Variants in ZDHHC17 observed in about 807,000 individuals in gnomAD.
ZDHHC17 encodes the protein palmitoyltransferase ZDHHC17.
In ZDHHC17, 40 loss-of-function variants were observed where a neutral mutation model predicts 90.3. That is an observed-to-expected ratio of 0.44 (90% CI 0.34 to 0.58). The LOEUF (loss-of-function observed/expected upper bound fraction) is 0.58, where lower values mean the gene tolerates loss of function less well. Among genes scored for constraint, ZDHHC17 ranks in the 20% least tolerant of loss-of-function variants. ZDHHC17 has a pLI of 0.01. For synonymous variants in ZDHHC17, 235 were observed against 252.4 expected, an observed-to-expected ratio of 0.93 and a Z score of 0.65; for missense variants, 614 against 780.8, an observed-to-expected ratio of 0.79 and a Z score of 2.55.
intron 5 of ZDHHC17, among the ~76,000 whole-genome samples, chr12:76,810,587 ATTTC>A (rs1953007886): frequency 6.6e-6 from 1 of 152,084 alleles, no homozygotes; most frequent in Non-Finnish European, 1.5e-5. Flanking sequence ...TTTGAATACT[ATTTC>A]TTTTAATGAA....
intron 1 of ZDHHC17, among the ~76,000 whole-genome samples, chr12:76,777,462 G>A (rs1952571904): frequency 6.6e-6 from 1 of 152,116 alleles, no homozygotes; most frequent in Non-Finnish European, 1.5e-5. Flanking sequence ...TTGTTTCCAG[G>A]TTTTGGTTAT....
chr12:76,778,522 C>G (rs1989413), intron 1 of ZDHHC17, among the ~76,000 whole-genome samples: 2 of 151,952 alleles, frequency 1.3e-5, no homozygotes, highest in African/African-American at 4.8e-5. Flanking sequence ...TGTGCCCTGC[C>G]GGGAAGTTTT....
intron 8 of ZDHHC17, 36 bp from the exon 9 acceptor site, chr12:76,826,872 A>C (rs377637637): frequency 6.7e-7 from 1 of 1,492,986 alleles, no homozygotes; most frequent in Admixed American, 2.8e-5. Flanking sequence ...TACTTGAAAC[A>C]TGCAAAAACT....
At chr12:76,846,461 C>T in intron 13 of ZDHHC17, 135 bp from the exon 14 acceptor site, 8 of 603,832 alleles carry the variant, frequency 1.3e-5, no homozygotes, top group East Asian at 2.9e-5. Flanking sequence ...TCCTGAAAAC[C>T]ACTTTATAAA....
At chr12:76,838,248 A>G (rs1252746106) in intron 10 of ZDHHC17, among the ~76,000 whole-genome samples, 4 of 152,100 alleles carry the variant, frequency 2.6e-5, no homozygotes, top group African/African-American at 4.8e-5. Flanking sequence ...GCTGCTTTCC[A>G]TACTGGGTTA....
chr12:76,819,284 T>C (rs746704817), intron 7 of ZDHHC17, among the ~76,000 whole-genome samples: 9 of 152,194 alleles, frequency 5.9e-5, no homozygotes, highest in Non-Finnish European at 1.2e-4. Context: ...TAAACTTAAA[T>C]TGCTGCCAAT....
chr12:76,778,307 G>T (rs962801302), intron 1 of ZDHHC17, among the ~76,000 whole-genome samples: 1 of 152,104 alleles, frequency 6.6e-6, no homozygotes, highest in African/African-American at 2.4e-5. Flanking sequence ...TCCTGGATGG[G>T]TTCAAGCGAT....
intron 1 of ZDHHC17, among the ~76,000 whole-genome samples, chr12:76,780,171 A>G (rs1324308189): frequency 1.3e-5 from 2 of 152,062 alleles, no homozygotes; most frequent in Non-Finnish European, 2.9e-5. Context: ...AAACTTGTCT[A>G]TTGTCTACTT....
At chr12:76,809,651 TC>T in intron 4 of ZDHHC17, 61 bp from the exon 5 acceptor site, 1 of 1,317,616 alleles carries the variant, frequency 7.6e-7, no homozygotes. Context: ...AAAAAGCTCT[TC>T]CCAGAGGATC....
chr12:76,778,948 T>C (rs907267624), intron 1 of ZDHHC17, among the ~76,000 whole-genome samples: 6 of 152,146 alleles, frequency 3.9e-5, no homozygotes, highest in Non-Finnish European at 8.8e-5. Flanking sequence ...TCTCACATGA[T>C]CTCTTTATGT....
chr12:76,827,681 G>C (rs1014654503), intron 9 of ZDHHC17, among the ~76,000 whole-genome samples: 1 of 151,912 alleles, frequency 6.6e-6, no homozygotes, highest in African/African-American at 2.4e-5. Flanking sequence ...TTTCAGAAAA[G>C]AATTCTGAAA....
At chr12:76,819,567 A>G (rs982781349) in intron 7 of ZDHHC17, among the ~76,000 whole-genome samples, 1 of 152,232 alleles carries the variant, frequency 6.6e-6, no homozygotes, top group African/African-American at 2.4e-5. Flanking sequence ...TATTTTCTAT[A>G]TATGATTAAG....
At chr12:76,829,639 G>A (rs186729861) in intron 10 of ZDHHC17, among the ~76,000 whole-genome samples, 36 of 151,878 alleles carry the variant, frequency 2.4e-4, no homozygotes, top group Admixed American at 7.2e-4. Context: ...TTATGTTTTG[G>A]TATCAAACTA....
intron 1 of ZDHHC17, among the ~76,000 whole-genome samples, chr12:76,788,688 A>ATTTTTTTTTTTTTTTTTTTTTTTTT (rs763269507): frequency 9.1e-5 from 9 of 98,648 alleles, no homozygotes; most frequent in South Asian, 3.4e-4. Flanking sequence ...TGGAATCGCA[A>ATTTTTTTTTTTTTTTTTTTTTTTTT]TTTTTTTTTT....
chr12:76,813,662 G>A (rs746933941), intron 5 of ZDHHC17, among the ~76,000 whole-genome samples: 19 of 151,996 alleles, frequency 1.3e-4, no homozygotes, highest in Non-Finnish European at 2.2e-4. Flanking sequence ...TGGTGAATTA[G>A]GTAACACAAC....
chr12:76,824,032 A>G (rs1466134649), intron 8 of ZDHHC17, among the ~76,000 whole-genome samples: 1 of 152,150 alleles, frequency 6.6e-6, no homozygotes, highest in Admixed American at 6.5e-5. Context: ...AAATCCCACA[A>G]TATTGGCACT....
At chr12:76,803,072 T>C (rs1486892075) in intron 2 of ZDHHC17, among the ~76,000 whole-genome samples, 1 of 151,854 alleles carries the variant, frequency 6.6e-6, no homozygotes, top group African/African-American at 2.4e-5. Flanking sequence ...AGCAATATGG[T>C]GAAACTCCAT....
At chr12:76,794,682 G>GA (rs201028731) in intron 1 of ZDHHC17, among the ~76,000 whole-genome samples, 2,100 of 150,534 alleles carry the variant, frequency 0.014, 46 homozygotes, top group African/African-American at 0.048. Context: ...TATGTTACTG[G>GA]AAAAAAAAAG....
chr12:76,767,402 C>T (rs966547006), intron 1 of ZDHHC17, among the ~76,000 whole-genome samples: 2 of 152,140 alleles, frequency 1.3e-5, no homozygotes, highest in Non-Finnish European at 2.9e-5. Flanking sequence ...GCAAACTGCC[C>T]ACTGTTAAAA....
Sources: gnomAD v4.1 joint callset for allele counts (sites outside exome capture counted in the v4.1 genomes callset) on GRCh38, gnomAD v4.1.1 for gene constraint, MANE v1.5 for transcripts, NCBI Gene and HGNC (gene_info 2026-07-23, HGNC 2026-07-21) for gene names.